Variants in COL27A1 observed in about 807,000 individuals in gnomAD.
COL27A1 encodes the protein collagen alpha-1(XXVII) chain.
Under a neutral mutation model 251.3 loss-of-function variants are expected in COL27A1, and 106 were observed. The observed-to-expected ratio is 0.42, with a 90% CI of 0.36 to 0.50. The LOEUF (loss-of-function observed/expected upper bound fraction) is 0.50. COL27A1 is among the 20% of genes least tolerant of loss of function. COL27A1 has a pLI of 0.00. For synonymous variants in COL27A1, 1,000 were observed against 986.3 expected, an observed-to-expected ratio of 1.01 and a Z score of -0.26; for missense variants, 2,325 against 2,522.8, an observed-to-expected ratio of 0.92 and a Z score of 1.68.
In COL27A1 at chr9:114,309,252, C is replaced by G. The variant is rs745749882; in HGVS notation, c.5218-8C>G. ...CCTGAGCCGCTCACTGCCGTTGCTT[C>G]TCTATAGGTCGAGTTTGCCATCAGC... On this transcript the variant is annotated splice_region_variant and splice_polypyrimidine_tract_variant and intron_variant, in intron 59 of 60. Coordinates refer to ENST00000356083, the MANE Select transcript of COL27A1 (RefSeq NM_032888.4). 3.1e-6 allele frequency: 5 copies of G among 1,613,930 alleles called. No individual in the cohort carries two copies. The highest frequency in any genetic ancestry group is 3.3e-5 in the Admixed American group (2 of 60,026).
rs377181089 is a variant in COL27A1 at position 114,301,737 on chromosome 9, G to T, written c.4845+20G>T. 3 of 1,610,974 alleles carry T rather than the reference G, an allele frequency of 1.9e-6. No individual in the cohort carries two copies. Among genetic ancestry groups the T allele is most frequent in the Admixed American group, 3.3e-5 (2 of 59,760 alleles). On this transcript the variant is annotated intron_variant, in intron 55 of 60. Coordinates refer to ENST00000356083, the MANE Select transcript of COL27A1 (RefSeq NM_032888.4). ...CCCCCGGTAGGTAACTGAGTGCTGG[G>T]TGCATCTTGGACTCCTGGGGGGTTC...
At chr9:114,241,481 G>A (rs985095672) in intron 21 of COL27A1, among the ~76,000 whole-genome samples, 3 of 152,208 alleles carry the variant, frequency 2.0e-5, no homozygotes, top group African/African-American at 7.2e-5. Flanking sequence ...ATGCCAGAAG[G>A]AGCCAATTAG....
At chr9:114,251,166 C>T (rs952362602) in intron 25 of COL27A1, among the ~76,000 whole-genome samples, 1 of 152,170 alleles carries the variant, frequency 6.6e-6, no homozygotes, top group Non-Finnish European at 1.5e-5. Flanking sequence ...GACACTCTGC[C>T]TCATGTTGGC....
rs370635243 is a variant in COL27A1, at chr9:114,265,452, A to G, written c.3370A>G (p.Thr1124Ala). Reference sequence around the variant, plus strand: ...CCCGGGTCCCTCAGGCCCCCCAGGCACCAAGGGCCTCCCAGGAGAACCGGT... The same window carrying G: ...CCCGGGTCCCTCAGGCCCCCCAGGCGCCAAGGGCCTCCCAGGAGAACCGGT... ...GIPGPSGPPGTKGLPGEPGPQ... is the reference protein window; with the variant it reads ...GIPGPSGPPGAKGLPGEPGPQ... The change falls in exon 32 of 61, where the codon ACC becomes GCC. Residue 1124 changes from threonine (T) to alanine (A), a missense_variant. Physicochemically the swap from Thr to Ala is moderately conservative, Grantham distance 58. Coordinates refer to ENST00000356083, the MANE Select transcript of COL27A1 (RefSeq NM_032888.4). The G allele has an allele frequency of 1.2e-5, 19 of 1,613,710 alleles. No individual in the cohort carries two copies. The highest frequency in any genetic ancestry group is 1.4e-5 in the Non-Finnish European group (17 of 1,179,944).
chr9:114,265,164 G>T (rs1834649701), intron 31 of COL27A1, 54 bp downstream of exon 31: 2 of 525,106 alleles, frequency 3.8e-6, no homozygotes, highest in Admixed American at 2.7e-5. Flanking sequence ...ATGGGGGTGG[G>T]GGGCGGGTGC....
chr9:114,206,547 C>A (rs2135308345), intron 10 of COL27A1, among the ~76,000 whole-genome samples: 1 of 152,366 alleles, frequency 6.6e-6, no homozygotes, highest in Non-Finnish European at 1.5e-5. Context: ...CACAGTCCAG[C>A]TGCAAACAGC....
Position 114,242,196 on chromosome 9 carries a change from G to T in COL27A1, c.2845G>T (p.Gly949Ter). Reference protein sequence around the residue: ...RGQLGPEGDEGPMGPPGAPGL... With the variant: ...RGQLGPEGDE The stretch of plus-strand genomic sequence containing the variant: ...TGTCTCCCAATTCTAGGGAGATGAG[G>T]GACCCATGGGGCCGCCAGGGGCCCC... Residue 949 changes from glycine to a stop codon, truncating the protein, a stop_gained, in exon 22 of 61, where the codon GGA becomes TGA. Coordinates refer to ENST00000356083, the MANE Select transcript of COL27A1 (RefSeq NM_032888.4). LOFTEE classifies it high-confidence loss of function. 1 of 1,607,030 alleles carries T rather than the reference G, an allele frequency of 6.2e-7. No homozygotes were observed. The highest frequency in any genetic ancestry group is 8.5e-7 in the Non-Finnish European group (1 of 1,177,802).
intron 37 of COL27A1, among the ~76,000 whole-genome samples, chr9:114,281,256 C>T (rs1197350794): frequency 6.6e-6 from 1 of 152,242 alleles, no homozygotes; most frequent in Non-Finnish European, 1.5e-5. Flanking sequence ...CCACTCCCTC[C>T]ATCCTGACCT....
At chr9:114,278,386 G>A (rs1262230644) in intron 37 of COL27A1, among the ~76,000 whole-genome samples, 1 of 143,560 alleles carries the variant, frequency 7.0e-6, no homozygotes, top group Non-Finnish European at 1.5e-5. Flanking sequence ...TGAGGGTGAT[G>A]ATGGTGCTGG....
chr9:114,279,470 T>C (rs1835772911), intron 37 of COL27A1, among the ~76,000 whole-genome samples: 1 of 152,064 alleles, frequency 6.6e-6, no homozygotes. Flanking sequence ...AGAAATGAAA[T>C]ACAAGCCATA....
At chr9:114,205,658 CCT>C in intron 8 of COL27A1, 99 bp from the exon 9 acceptor site, 1 of 1,066,718 alleles carries the variant, frequency 9.4e-7, no homozygotes, top group Non-Finnish European at 1.5e-6. Flanking sequence ...CATTCCTGCC[CCT>C]CTCTTTATTC....
chr9:114,234,558 A>G (rs753918105), intron 16 of COL27A1, among the ~76,000 whole-genome samples: 9 of 152,132 alleles, frequency 5.9e-5, no homozygotes, highest in Non-Finnish European at 1.0e-4. Flanking sequence ...CCTAAGGGGA[A>G]GCAGCTCCCA....
rs143849367 is a variant in COL27A1, at chr9:114,197,105, G to A, written c.2124+1093G>A. ...AGGCAATGCAGACTAAGGATCGATT[G>A]CTTTTTCCAAGAAAATCCCCAACCG... On this transcript the variant is annotated intron_variant, in intron 7 of 60. Transcript: ENST00000356083. Among the ~76,000 whole-genome samples the A allele has an allele frequency of 1.3e-3, 199 of 152,290 alleles. 1 individual carries two copies. The highest frequency in any genetic ancestry group is 2.3e-3 in the Non-Finnish European group (159 of 68,022).
chr9:114,178,882 C>A (rs528402977), intron 4 of COL27A1, among the ~76,000 whole-genome samples: 40 of 152,270 alleles, frequency 2.6e-4, no homozygotes, highest in African/African-American at 8.4e-4. Context: ...ATGTGCCTGG[C>A]ACCTTCTTTT....
At chr9:114,204,406 AAAGCACACAGTC>A (rs1361872161) in intron 7 of COL27A1, among the ~76,000 whole-genome samples, 4 of 152,152 alleles carry the variant, frequency 2.6e-5, no homozygotes, top group African/African-American at 9.7e-5. Context: ...GTGCCACCTG[AAAGCACACAGTC>A]AGCTTGGTTC....
chr9:114,284,043 G>A (rs1168310938), intron 40 of COL27A1, among the ~76,000 whole-genome samples: 3 of 152,130 alleles, frequency 2.0e-5, no homozygotes, highest in Admixed American at 6.5e-5. Context: ...TGCATGCCTT[G>A]TCTGCTGTCT....
At chr9:114,156,263 GC>G (rs1384130094) in intron 1 of COL27A1, among the ~76,000 whole-genome samples, 1 of 138,368 alleles carries the variant, frequency 7.2e-6, no homozygotes, top group Non-Finnish European at 1.6e-5. Context: ...GGCAGAGCCA[GC>G]CCGGGGGTCG....
intron 4 of COL27A1, among the ~76,000 whole-genome samples, chr9:114,178,605 A>C (rs2116404): frequency 0.33 from 50,779 of 151,916 alleles, 9,057 homozygotes; most frequent in African/African-American, 0.46. Flanking sequence ...TGGGGTGGGG[A>C]AGGGGCTCCA....
At chr9:114,173,304 G>A (rs990185054) in intron 3 of COL27A1, among the ~76,000 whole-genome samples, 1 of 152,252 alleles carries the variant, frequency 6.6e-6, no homozygotes, top group Non-Finnish European at 1.5e-5. Context: ...TCGGGAAGAC[G>A]CCGCTAAGGG....
Sources: gnomAD v4.1 joint callset for allele counts (sites outside exome capture counted in the v4.1 genomes callset) on GRCh38, gnomAD v4.1.1 for gene constraint, MANE v1.5 for transcripts, NCBI Gene and HGNC (gene_info 2026-07-23, HGNC 2026-07-21) for gene names.